DOCK1: variants seen among roughly 807,000 people sequenced by gnomAD.
DOCK1 encodes the protein dedicator of cytokinesis protein 1.
A neutral mutation model predicts 262.7 loss-of-function variants in DOCK1; 138 were observed. The observed-to-expected ratio is 0.53, with a 90% CI of 0.46 to 0.61. DOCK1 has a LOEUF of 0.61. DOCK1 is among the 20% of genes least tolerant of loss of function. The pLI, the probability that DOCK1 is intolerant of heterozygous loss-of-function variation, is 0.00. For synonymous variants in DOCK1, 866 were observed against 867.4 expected, an observed-to-expected ratio of 1.00 and a Z score of 0.03; for missense variants, 1,908 against 2,370.7, an observed-to-expected ratio of 0.80 and a Z score of 4.05.
At chr10:127,218,015 A>G (rs960940043) in intron 27 of DOCK1, among the ~76,000 whole-genome samples, 1 of 151,718 alleles carries the variant, frequency 6.6e-6, no homozygotes, top group African/African-American at 2.4e-5. Flanking sequence ...GTAGGAGTGC[A>G]GCTTTATTTC....
chr10:126,912,191 G>A (rs938521592), intron 1 of DOCK1, among the ~76,000 whole-genome samples: 1 of 152,156 alleles, frequency 6.6e-6, no homozygotes, highest in Non-Finnish European at 1.5e-5. Context: ...CATTTTGGGA[G>A]GCTGAGGTGG....
intron 29 of DOCK1, among the ~76,000 whole-genome samples, chr10:127,301,981 C>T (rs7072458): frequency 0.11 from 16,560 of 151,246 alleles, 1,159 homozygotes; most frequent in African/African-American, 0.19. Flanking sequence ...TGCAAGCTTT[C>T]GACAAAGCCT....
In DOCK1 at chr10:127,158,258, T is replaced by C. The variant is rs185867929; in HGVS notation, c.2847+30494T>C. Among the ~76,000 whole-genome samples, 612 of 152,334 alleles carry C rather than the reference T, an allele frequency of 4.0e-3. 1 individual carries two copies. The highest frequency in any genetic ancestry group is 7.2e-3 in the Admixed American group (110 of 15,302). ...CAGTACTTTGAATGATTCTCTATATTGCCATTGCCATAAGGAAGAACAACC... is the reference window on the plus strand; with the variant it reads ...CAGTACTTTGAATGATTCTCTATATCGCCATTGCCATAAGGAAGAACAACC... On this transcript the variant is annotated intron_variant, in intron 27 of 51. Transcript: ENST00000623213.
intron 1 of DOCK1, among the ~76,000 whole-genome samples, chr10:126,926,258 T>TC (rs1007367325): frequency 4.6e-5 from 7 of 151,616 alleles, no homozygotes; most frequent in African/African-American, 1.7e-4. Context: ...TTTCTTTCTT[T>TC]TTTTTTTTTA....
At chr10:126,961,525 C>A (rs921014150) in intron 1 of DOCK1, among the ~76,000 whole-genome samples, 1 of 152,122 alleles carries the variant, frequency 6.6e-6, no homozygotes, top group Non-Finnish European at 1.5e-5. Flanking sequence ...TTCTTACTTT[C>A]GTTTCTTACT....
chr10:127,433,512 T>A, intron 48 of DOCK1, 84 bp downstream of exon 48: 1 of 1,487,984 alleles, frequency 6.7e-7, no homozygotes, highest in Admixed American at 2.3e-5. Flanking sequence ...CTGGGTTTAT[T>A]TTCTTACAAC....
intron 3 of DOCK1, among the ~76,000 whole-genome samples, chr10:126,979,950 TC>T (rs2038831839): frequency 6.6e-6 from 1 of 152,178 alleles, no homozygotes. Context: ...TCAGTCATTA[TC>T]CTTCCTGTGG....
intron 33 of DOCK1, 59 bp from the exon 34 acceptor site, chr10:127,373,722 A>G: frequency 8.3e-6 from 12 of 1,452,522 alleles, no homozygotes; most frequent in Non-Finnish European, 1.1e-5. Context: ...TTGACACTCA[A>G]GTCATAAAAT....
At chr10:127,182,306 A>G (rs1421594706) in intron 27 of DOCK1, among the ~76,000 whole-genome samples, 1 of 152,126 alleles carries the variant, frequency 6.6e-6, no homozygotes, top group Non-Finnish European at 1.5e-5. Context: ...ACTCTTAACG[A>G]ACAAAAAAAC....
Position 127,369,698 on chromosome 10 carries a change from A to G in DOCK1, c.3433-4083A>G, listed in dbSNP as rs552705082. On this transcript the variant is annotated intron_variant, in intron 33 of 51. Coordinates refer to ENST00000623213, the MANE Select transcript of DOCK1 (RefSeq NM_001290223.2). ...CCAAGTGAGTGGCTCTGGGTCCTCC[A>G]GGCTCATGAGTGTTTCACAGGAGCT... is the stretch of plus-strand genomic sequence containing the variant. 3.8e-3 allele frequency among the ~76,000 whole-genome samples: 576 copies of G among 151,232 alleles called. 1 individual carries two copies. Among genetic ancestry groups the G allele is most frequent in the Non-Finnish European group, 5.1e-3 (347 of 67,998 alleles).
intron 1 of DOCK1, among the ~76,000 whole-genome samples, chr10:126,960,556 G>C (rs1272563851): frequency 1.3e-5 from 2 of 151,258 alleles, no homozygotes; most frequent in African/African-American, 4.9e-5. Context: ...GCCAAGCTGG[G>C]GAGAGGTAGG....
chr10:127,346,005 C>T (rs1171598942), intron 31 of DOCK1, among the ~76,000 whole-genome samples: 5 of 152,220 alleles, frequency 3.3e-5, no homozygotes, highest in East Asian at 1.9e-4. Context: ...TCCTTCAGCA[C>T]GCGCCCCTTG....
At chr10:127,373,468 T>G (rs1164426124) in intron 33 of DOCK1, among the ~76,000 whole-genome samples, 1 of 140,856 alleles carries the variant, frequency 7.1e-6, no homozygotes, top group Non-Finnish European at 1.5e-5. Context: ...GAGACTTTTT[T>G]TCATGCTGCG....
intron 27 of DOCK1, among the ~76,000 whole-genome samples, chr10:127,246,976 A>G (rs1367534522): frequency 2.0e-5 from 3 of 152,222 alleles, no homozygotes; most frequent in African/African-American, 7.2e-5. Flanking sequence ...GTTTCTTAAA[A>G]TGTCATTAAC....
chr10:126,955,335 A>G (rs1057277796), intron 1 of DOCK1, among the ~76,000 whole-genome samples: 88 of 152,356 alleles, frequency 5.8e-4, no homozygotes, highest in African/African-American at 2.0e-3. Context: ...TATGTTGGCC[A>G]GGCTGGTCTC....
chr10:127,382,015 C>T (rs1282662002), intron 37 of DOCK1, among the ~76,000 whole-genome samples: 2 of 151,988 alleles, frequency 1.3e-5, no homozygotes, highest in African/African-American at 4.8e-5. Context: ...TGCTATACAG[C>T]CTCTAGTTTT....
At chr10:127,035,522 T>A (rs771549628) in intron 18 of DOCK1, among the ~76,000 whole-genome samples, 1 of 152,146 alleles carries the variant, frequency 6.6e-6, no homozygotes, top group Non-Finnish European at 1.5e-5. Context: ...TACTACTCAT[T>A]AGCCCAATTG....
chr10:127,105,368 T>C (rs72834667), intron 23 of DOCK1, among the ~76,000 whole-genome samples: 4,485 of 152,334 alleles, frequency 0.029, 87 homozygotes, highest in Middle Eastern at 0.078. Flanking sequence ...ACAGGATCTA[T>C]CATTAATATC....
intron 27 of DOCK1, among the ~76,000 whole-genome samples, chr10:127,196,767 G>GGCTGCCGCCT (rs960690227): frequency 6.6e-5 from 10 of 151,356 alleles, no homozygotes; most frequent in African/African-American, 2.4e-4. Flanking sequence ...GGCTGCCGCC[G>GGCTGCCGCCT]GCTGCCGCCT....
Sources: allele counts gnomAD v4.1 joint callset (sites outside exome capture counted in the v4.1 genomes callset), GRCh38; gene constraint gnomAD v4.1.1; transcripts MANE v1.5; gene names NCBI Gene and HGNC (gene_info 2026-07-23, HGNC 2026-07-21).